Variants in SRRM4 observed in about 807,000 individuals in gnomAD.
SRRM4 encodes serine/arginine repetitive matrix 4.
SRRM4 carries 33 observed loss-of-function variants against 68.9 expected under a neutral mutation model. The observed-to-expected ratio is 0.48, with a 90% CI of 0.36 to 0.64. The LOEUF is 0.64. SRRM4 is among the 30% of genes least tolerant of loss of function. SRRM4 has a pLI of 0.00. For synonymous variants in SRRM4, 318 were observed against 318.8 expected (o/e 1.00, Z 0.03); for missense variants, 817 against 827.1 (o/e 0.99, Z 0.15).
chr12:119,086,175 ACATCTGGGTCCAGGCTCCACGTCCCT>A (rs1204361867), intron 1 of SRRM4, among the ~76,000 whole-genome samples: 1 of 152,102 alleles, frequency 6.6e-6, no homozygotes, highest in Admixed American at 6.6e-5. Context: ...GATATTGAAA[ACATCTGGGTCCAGGCTCCACGTCCCT>A]CATACACACA....
At chr12:119,136,686 A>AT (rs1654507801) in intron 8 of SRRM4, among the ~76,000 whole-genome samples, 1 of 151,976 alleles carries the variant, frequency 6.6e-6, no homozygotes, top group Non-Finnish European at 1.5e-5. Context: ...CATTGAACTT[A>AT]TTTTTTCTTG....
At chr12:119,012,754 T>C (rs1953458146) in intron 1 of SRRM4, among the ~76,000 whole-genome samples, 1 of 152,224 alleles carries the variant, frequency 6.6e-6, no homozygotes, top group African/African-American at 2.4e-5. Context: ...ACAATGTTCC[T>C]TTATTTTTAT....
chr12:119,101,605 T>C (rs1460671669), intron 1 of SRRM4, among the ~76,000 whole-genome samples: 1 of 152,028 alleles, frequency 6.6e-6, no homozygotes, highest in Non-Finnish European at 1.5e-5. Context: ...ATTGATACTA[T>C]TCACTATTTT....
intron 1 of SRRM4, among the ~76,000 whole-genome samples, chr12:119,077,388 G>C (rs79114248): frequency 1.3e-5 from 2 of 151,944 alleles, no homozygotes; most frequent in South Asian, 4.2e-4. Flanking sequence ...ACACACTTAC[G>C]ATTCTGGCTC....
chr12:119,028,642 A>G (rs1953566009), intron 1 of SRRM4, among the ~76,000 whole-genome samples: 1 of 152,192 alleles, frequency 6.6e-6, no homozygotes, highest in Non-Finnish European at 1.5e-5. Context: ...ACTCATCTGT[A>G]CATACCTACA....
chr12:119,043,026 C>G (rs1389815796), intron 1 of SRRM4, among the ~76,000 whole-genome samples: 3 of 152,098 alleles, frequency 2.0e-5, no homozygotes, highest in African/African-American at 7.2e-5. Flanking sequence ...TTTGACCCAG[C>G]AATCTCATTA....
intron 2 of SRRM4, among the ~76,000 whole-genome samples, chr12:119,104,241 G>A (rs11610171): frequency 0.077 from 11,705 of 152,032 alleles, 501 homozygotes; most frequent in Admixed American, 0.1. Context: ...CCTAAGATAT[G>A]TTAGTGAGAG....
At chr12:119,082,023 C>CG (rs1286355544) in intron 1 of SRRM4, among the ~76,000 whole-genome samples, 1 of 152,208 alleles carries the variant, frequency 6.6e-6, no homozygotes, top group Admixed American at 6.5e-5. Flanking sequence ...TTGATCATGA[C>CG]GGATCAGCAC....
chr12:119,160,601 G>A lies in SRRM4; in HGVS notation c.*3803G>A, dbSNP rs1429036695. The A allele has an allele frequency of 3.3e-5, 5 of 152,116 alleles. No individual in the cohort carries two copies. The highest frequency in any genetic ancestry group is 1.9e-4 in the East Asian group (1 of 5,182). The allele number at this position is 152,116 out of a possible 1,614,324, so 9.4% of individuals were successfully genotyped here. ...TGCATCCCAAGCCTTTGACCTTCCC[G>A]CTATGGAAGTGCACTGGATGACAGA... is the stretch of plus-strand genomic sequence containing the variant. On this transcript the variant is annotated 3_prime_UTR_variant, in exon 13 of 13. Transcript: ENST00000267260.
At chr12:119,015,879 G>A (rs1013951628) in intron 1 of SRRM4, among the ~76,000 whole-genome samples, 3 of 152,030 alleles carry the variant, frequency 2.0e-5, no homozygotes, top group South Asian at 2.1e-4. Flanking sequence ...CTCTTGGGAA[G>A]GCCATCTCTG....
chr12:119,102,345 A>C lies in SRRM4; in HGVS notation c.241A>C (p.Lys81Gln). 1 of 1,613,448 alleles carries C rather than the reference A, an allele frequency of 6.2e-7. No homozygotes were observed. Among genetic ancestry groups the C allele is most frequent in the South Asian group, 1.1e-5 (1 of 90,990 alleles). ...GGGCACCAACAGTTGGGAGAGAGAC[A>C]AGACCTGTCGGGAACTGGGTGCCAC... ...PLGTNSWERD[K>Q]TCRELGATRG... The change falls in exon 2 of 13, where the codon AAG becomes CAG. Residue 81 changes from lysine to glutamine, a missense_variant. By Grantham distance (53) the Lys-to-Gln change is moderately conservative (BLOSUM62 1). Coordinates refer to ENST00000267260, the MANE Select transcript of SRRM4 (RefSeq NM_194286.4).
intron 1 of SRRM4, among the ~76,000 whole-genome samples, chr12:118,994,315 G>A (rs1462114690): frequency 6.6e-6 from 1 of 152,132 alleles, no homozygotes; most frequent in African/African-American, 2.4e-5. Flanking sequence ...GTAGTGGTGT[G>A]AATTCAGGAG....
intron 1 of SRRM4, among the ~76,000 whole-genome samples, chr12:118,996,858 A>G (rs1953352532): frequency 6.6e-6 from 1 of 152,212 alleles, no homozygotes; most frequent in African/African-American, 2.4e-5. Context: ...TGTGAGGTCC[A>G]ACTGTTTTCC....
intron 6 of SRRM4, among the ~76,000 whole-genome samples, chr12:119,124,557 T>G (rs1415795091): frequency 1.3e-5 from 2 of 152,206 alleles, no homozygotes; most frequent in Non-Finnish European, 2.9e-5. Flanking sequence ...TTATATATCT[T>G]CAATTACCAC....
chr12:119,073,643 C>CAA (rs1953891978), intron 1 of SRRM4, among the ~76,000 whole-genome samples: 1 of 151,366 alleles, frequency 6.6e-6, no homozygotes, highest in South Asian at 2.1e-4. Flanking sequence ...TTTTTTGAGA[C>CAA]AAAGTCTCAC....
intron 3 of SRRM4, among the ~76,000 whole-genome samples, chr12:119,115,127 C>T (rs1231093650): frequency 1.3e-5 from 2 of 151,910 alleles, no homozygotes; most frequent in African/African-American, 2.4e-5. Flanking sequence ...AATAAAGGCT[C>T]ACAGAGGTGG....
At chr12:119,044,040 A>AT (rs1026720624) in intron 1 of SRRM4, among the ~76,000 whole-genome samples, 12 of 151,562 alleles carry the variant, frequency 7.9e-5, no homozygotes, top group African/African-American at 2.9e-4. Flanking sequence ...CTAATTTTGT[A>AT]TTTTTTAGAA....
chr12:119,082,845 G>A (rs1953957069), intron 1 of SRRM4, among the ~76,000 whole-genome samples: 1 of 152,220 alleles, frequency 6.6e-6, no homozygotes, highest in African/African-American at 2.4e-5. Context: ...AGCAGGTCAG[G>A]TCCCTTCTCT....
At chr12:119,028,590 G>A (rs1196365171) in intron 1 of SRRM4, among the ~76,000 whole-genome samples, 3 of 152,098 alleles carry the variant, frequency 2.0e-5, no homozygotes, top group Non-Finnish European at 4.4e-5. Flanking sequence ...CTCAGGCTCA[G>A]GTATATCTTT....
Sources: gnomAD v4.1 joint callset for allele counts (sites outside exome capture counted in the v4.1 genomes callset) on GRCh38, gnomAD v4.1.1 for gene constraint, MANE v1.5 for transcripts, NCBI Gene and HGNC (gene_info 2026-07-23, HGNC 2026-07-21) for gene names.